Variants in C4BPA observed in about 807,000 individuals in gnomAD.
C4BPA encodes the protein C4b-binding protein alpha chain.
Under a neutral mutation model 63.7 loss-of-function variants are expected in C4BPA, and 31 were observed. The ratio of observed to expected loss-of-function variants is 0.49; its 90% CI spans 0.37 to 0.66. C4BPA has a LOEUF of 0.66. Among genes scored for constraint, C4BPA ranks in the 30% least tolerant of loss-of-function variants. The pLI is 0.00. For missense variants in C4BPA, 572 were observed against 723.3 expected (o/e 0.79, Z 2.40); for synonymous variants, 259 against 254.7 (o/e 1.02, Z -0.16).
chr1:207,133,833 T>C (rs1158249352), intron 8 of C4BPA, among the ~76,000 whole-genome samples: 7 of 152,206 alleles, frequency 4.6e-5, no homozygotes, highest in Non-Finnish European at 8.8e-5. Flanking sequence ...ATTTAAATTT[T>C]TTCGTATGCT....
At chr1:207,133,951 T>C (rs1685222210) in intron 8 of C4BPA, among the ~76,000 whole-genome samples, 1 of 152,220 alleles carries the variant, frequency 6.6e-6, no homozygotes, top group Non-Finnish European at 1.5e-5. Flanking sequence ...AAATGGATGT[T>C]GTTTGTCATT....
At chr1:207,142,771 A>C (rs185580555) in intron 10 of C4BPA, among the ~76,000 whole-genome samples, 4 of 152,322 alleles carry the variant, frequency 2.6e-5, no homozygotes, top group African/African-American at 9.6e-5. Flanking sequence ...TGTGAGTGAC[A>C]GTTACCTCGT....
intron 3 of C4BPA, 36 bp downstream of exon 3, chr1:207,114,321 C>G: frequency 6.6e-7 from 1 of 1,512,322 alleles, no homozygotes; most frequent in East Asian, 2.3e-5. Flanking sequence ...CTTTGCTTTT[C>G]CTATCTTTGG....
intron 4 of C4BPA, among the ~76,000 whole-genome samples, chr1:207,118,957 T>C (rs1352983950): frequency 6.6e-6 from 1 of 152,188 alleles, no homozygotes; most frequent in Non-Finnish European, 1.5e-5. Context: ...CTTCAATGTC[T>C]GTTGCTGTGG....
chr1:207,115,963 C>T (rs767148138), intron 4 of C4BPA, among the ~76,000 whole-genome samples: 10 of 152,170 alleles, frequency 6.6e-5, no homozygotes, highest in Admixed American at 1.3e-4. Context: ...TAATCTTTTG[C>T]TATTCTGAAC....
Position 207,124,221 on chromosome 1 carries a change from C to A in C4BPA, c.561C>A (p.Ser187Arg). ...PPPDIRNGRH[S>R]GEENFYAYGF... ...CAGACATCAGGAATGGAAGGCACAG[C>A]GGTGAAGAAAATTTCTACGCATACG... The change falls in exon 6 of 12, where the codon AGC becomes AGA. Residue 187 changes from serine (S) to arginine (R), a missense_variant. Around this residue, in one of 2 missense-constraint regions of C4BPA, gnomAD observed 465 missense variants for 629.4 expected, o/e 0.74. Transcript: ENST00000367070. 1.2e-6 allele frequency: 2 copies of A among 1,613,902 alleles called. No individual in the cohort carries two copies. Among genetic ancestry groups the A allele is most frequent in the Non-Finnish European group, 1.7e-6 (2 of 1,179,886 alleles).
At chr1:207,114,899 A>G (rs2842701) in intron 3 of C4BPA, 2,440 of 153,372 alleles carry the variant, frequency 0.016, 60 homozygotes, top group African/African-American at 0.055. Flanking sequence ...TTAAAAAATT[A>G]TAAAAAAGGT....
At chr1:207,117,927 A>G (rs1047908025) in intron 4 of C4BPA, among the ~76,000 whole-genome samples, 2 of 151,980 alleles carry the variant, frequency 1.3e-5, no homozygotes, top group Non-Finnish European at 2.9e-5. Flanking sequence ...ATATTCTGCT[A>G]CCCTTTGCTA....
chr1:207,118,424 C>G (rs911520730), intron 4 of C4BPA, among the ~76,000 whole-genome samples: 13 of 152,108 alleles, frequency 8.5e-5, no homozygotes, highest in African/African-American at 2.9e-4. Context: ...CCTCAGGAAA[C>G]TTACAATCAT....
chr1:207,134,277 C>A, intron 8 of C4BPA, 127 bp from the exon 9 acceptor site: 4 of 694,188 alleles, frequency 5.8e-6, no homozygotes, highest in Non-Finnish European at 9.9e-6. Flanking sequence ...TGTCTTGGGT[C>A]TCCCTTTCTG....
At chr1:207,111,832 C>G (rs771704521) in intron 1 of C4BPA, among the ~76,000 whole-genome samples, 2 of 152,164 alleles carry the variant, frequency 1.3e-5, no homozygotes, top group Non-Finnish European at 2.9e-5. Context: ...CTGGATCTAA[C>G]AAAGATGTCA....
chr1:207,132,815 G>A (rs926475090), intron 8 of C4BPA, among the ~76,000 whole-genome samples: 2 of 152,050 alleles, frequency 1.3e-5, no homozygotes, highest in Non-Finnish European at 2.9e-5. Flanking sequence ...TTGAGCCCAC[G>A]AGTTTGAGAC....
At chr1:207,111,947 G>T (rs1388043743) in intron 1 of C4BPA, among the ~76,000 whole-genome samples, 2 of 151,728 alleles carry the variant, frequency 1.3e-5, no homozygotes. Flanking sequence ...TATTTTTATA[G>T]ATTTACAGTA....
At position 207,112,926 on chromosome 1, in the gene C4BPA, C is replaced by G. The variant is rs1044210571; in HGVS notation, c.-25-75C>G. 3.7e-6 allele frequency: 5 copies of G among 1,335,530 alleles called. No homozygotes were observed. In the African/African-American group the frequency reaches 7.5e-5, roughly 20 times the overall value. 82.7% of individuals were successfully genotyped at this position (1,335,530 alleles called of 1,614,324 possible). ...TGTCATTTCCTTGAAGACATGGATC[C>G]CATAACATTTATTCTAGTGCTTTAT... On this transcript the variant is annotated intron_variant, in intron 1 of 11. Coordinates refer to ENST00000367070, the MANE Select transcript of C4BPA (RefSeq NM_000715.4).
chr1:207,106,707 C>A (rs1057392228), intron 1 of C4BPA, among the ~76,000 whole-genome samples: 5 of 152,208 alleles, frequency 3.3e-5, no homozygotes, highest in African/African-American at 9.7e-5. Flanking sequence ...TCCCAAAGTG[C>A]TGGGATTACA....
chr1:207,142,355 T>A (rs947382705), intron 10 of C4BPA, among the ~76,000 whole-genome samples: 1 of 152,156 alleles, frequency 6.6e-6, no homozygotes, highest in Non-Finnish European at 1.5e-5. Flanking sequence ...GTCTTTGCTA[T>A]TGTGAATAGT....
intron 8 of C4BPA, among the ~76,000 whole-genome samples, chr1:207,132,140 C>A (rs115143441): frequency 1.3e-5 from 2 of 152,128 alleles, no homozygotes; most frequent in African/African-American, 4.8e-5. Context: ...CAGTCATGAG[C>A]GTAACCAGCT....
intron 1 of C4BPA, 120 bp from the exon 2 acceptor site, chr1:207,112,881 G>T: frequency 9.7e-6 from 9 of 930,692 alleles, no homozygotes; most frequent in Middle Eastern, 3.3e-4. Flanking sequence ...GGGTTTTTTT[G>T]TTTTGTTTCC....
At chr1:207,120,717 A>T (rs1684904770) in intron 4 of C4BPA, among the ~76,000 whole-genome samples, 1 of 152,246 alleles carries the variant, frequency 6.6e-6, no homozygotes, top group Non-Finnish European at 1.5e-5. Flanking sequence ...GCGCATCATG[A>T]TATACAATCA....
Sources: allele counts gnomAD v4.1 joint callset (sites outside exome capture counted in the v4.1 genomes callset), GRCh38; gene constraint gnomAD v4.1.1; regional missense constraint gnomAD v4.1.1; transcripts MANE v1.5; gene names NCBI Gene and HGNC (gene_info 2026-07-23, HGNC 2026-07-21).